C10orf105: variants seen among roughly 807,000 people sequenced by gnomAD.
C10orf105 encodes uncharacterized protein C10orf105.
A neutral mutation model predicts 0.6 loss-of-function variants in C10orf105; 2 were observed. That is an observed-to-expected ratio of 3.18 (90% CI 1.30 to 10.01). The LOEUF is 10.01. Ranked by LOEUF, C10orf105 falls within the 30% of genes most tolerant of loss-of-function variation. C10orf105 has a pLI of 0.04. For synonymous variants in C10orf105, 95 were observed against 82.4 expected (o/e 1.15, Z -0.83); for missense variants, 209 against 191.4 (o/e 1.09, Z -0.54).
chr10:71,734,182 GAC>G, intron 1 of C10orf105: 2 of 1,419,496 alleles, frequency 1.4e-6, no homozygotes, highest in Non-Finnish European at 2.0e-6. Context: ...TGGGCAGAAT[GAC>G]CAGGGTTAAC....
intron 1 of C10orf105, chr10:71,731,981 C>A: frequency 6.2e-7 from 1 of 1,612,732 alleles, no homozygotes. Flanking sequence ...CTGTGTCCTC[C>A]TACAGGGGAT....
intron 1 of C10orf105, chr10:71,725,344 G>A: frequency 6.2e-7 from 1 of 1,613,906 alleles, no homozygotes; most frequent in Admixed American, 1.7e-5. Flanking sequence ...CAGGGCCGGT[G>A]TTCCAGGGGG....
At chr10:71,725,106 C>T (rs1468168912) in intron 1 of C10orf105, among the ~76,000 whole-genome samples, 1 of 152,166 alleles carries the variant, frequency 6.6e-6, no homozygotes, top group Non-Finnish European at 1.5e-5. Context: ...CTGCTGGGGA[C>T]CATCAACACC....
At chr10:71,723,558 T>G (rs1398926153), upstream of C10orf105, among the ~76,000 whole-genome samples, 1 of 152,144 alleles carries the variant, frequency 6.6e-6, no homozygotes, top group African/African-American at 2.4e-5. Flanking sequence ...CTCCTGGGCT[T>G]CCACGAAGTG....
intron 1 of C10orf105, 88 bp from the exon 2 acceptor site, chr10:71,716,430 A>G (rs566756458): frequency 1.8e-6 from 2 of 1,093,986 alleles, no homozygotes; most frequent in East Asian, 2.7e-5. Context: ...GGGAATGTGG[A>G]TGGGGGCAAG....
chr10:71,734,097 G>A, intron 1 of C10orf105: 4 of 716,628 alleles, frequency 5.6e-6, no homozygotes, highest in Non-Finnish European at 7.4e-6. Flanking sequence ...ATGTGAGAGA[G>A]AAGAAGGAAT....
upstream of C10orf105, chr10:71,723,925 G>T (rs189161292): frequency 9.8e-6 from 11 of 1,118,054 alleles, no homozygotes; most frequent in East Asian, 2.8e-4. Context: ...CTCTGAGGGA[G>T]ACCACAGGTT....
intron 1 of C10orf105, chr10:71,730,743 T>C: frequency 7.8e-7 from 1 of 1,290,140 alleles, no homozygotes; most frequent in South Asian, 1.4e-5. Flanking sequence ...GAGGGGCTGC[T>C]GGGATGGTCT....
At position 71,712,795 on chromosome 10, in the gene C10orf105, A is replaced by G. The variant is rs1866031274; in HGVS notation, c.*3141T>C. ...CCAGCGTCCCTGAGGACATCCCTGA[A>G]GGCCACAGCATCTTGCAGGCAGGTG... On this transcript the variant is annotated 3_prime_UTR_variant, in exon 2 of 2. Transcript: ENST00000441508. The G allele has an allele frequency of 3.1e-6, 5 of 1,612,552 alleles. No homozygotes were observed. The South Asian group carries it at 3.3e-5, about 11-fold the overall frequency.
At chr10:71,730,736 G>A in intron 1 of C10orf105, 1 of 1,334,106 alleles carries the variant, frequency 7.5e-7, no homozygotes, top group South Asian at 1.3e-5. Context: ...GGCCAGGGAG[G>A]GGCTGCTGGG....
In C10orf105 at chr10:71,715,750, T is replaced by G. The variant is rs1866186879; in HGVS notation, c.*186A>C. The G allele has an allele frequency of 4.0e-6, 2 of 495,536 alleles. No individual in the cohort carries two copies. The highest frequency in any genetic ancestry group is 3.8e-5 in the South Asian group (1 of 26,490). The allele number at this position is 495,536 out of a possible 1,614,324, so 30.7% of individuals were successfully genotyped here. A position where few individuals can be genotyped will look rare whatever the true frequency, so the allele number is the denominator to read the frequency against. On this transcript the variant is annotated 3_prime_UTR_variant, in exon 2 of 2. Transcript: ENST00000441508. ...GCGAGGGGGTCTGCAGAGAGGAAGGTGCTCTTCTGAGGATCATCTTTGGGA... is the reference window on the plus strand; with the variant it reads ...GCGAGGGGGTCTGCAGAGAGGAAGGGGCTCTTCTGAGGATCATCTTTGGGA...
intron 1 of C10orf105, among the ~76,000 whole-genome samples, chr10:71,733,491 C>T (rs1277532123): frequency 2.0e-5 from 3 of 152,214 alleles, no homozygotes; most frequent in Admixed American, 6.5e-5. Flanking sequence ...CAGCCCCAAC[C>T]GAGGACCCCA....
At chr10:71,729,060 C>T (rs1326491929) in intron 1 of C10orf105, among the ~76,000 whole-genome samples, 1 of 152,108 alleles carries the variant, frequency 6.6e-6, no homozygotes, top group African/African-American at 2.4e-5. Flanking sequence ...GTCTCGAATG[C>T]CTGGGCTCAA....
intron 1 of C10orf105, chr10:71,732,457 C>T: frequency 1.3e-6 from 2 of 1,524,086 alleles, no homozygotes; most frequent in Non-Finnish European, 1.8e-6. Flanking sequence ...ACAGCACTCT[C>T]CTCTTTGTCA....
In C10orf105 at chr10:71,713,264, C is replaced by T. The variant is rs749256422; in HGVS notation, c.*2672G>A. On this transcript the variant is annotated 3_prime_UTR_variant, in exon 2 of 2. Transcript: ENST00000441508. ...CACAAGAAGAAAGGGCTCCTTTGCC[C>T]AGGGAGCAGGCGCAACAGCTCCAAG... 5.1e-6 allele frequency: 4 copies of T among 779,278 alleles called. No individual in the cohort carries two copies. The highest frequency in any genetic ancestry group is 1.7e-5 in the African/African-American group (1 of 59,156). 48.3% of individuals were successfully genotyped at this position (779,278 alleles called of 1,614,324 possible).
chr10:71,734,363 G>A (rs1164385805), intron 1 of C10orf105: 2 of 1,588,234 alleles, frequency 1.3e-6, no homozygotes, highest in Admixed American at 1.8e-5. Context: ...CAGGGTGAGA[G>A]TCCCTCAGGT....
At chr10:71,722,522 G>A (rs1214440694), upstream of C10orf105, among the ~76,000 whole-genome samples, 1 of 152,218 alleles carries the variant, frequency 6.6e-6, no homozygotes, top group Non-Finnish European at 1.5e-5. Context: ...TGACCCTACT[G>A]TGTGCCAGGA....
At chr10:71,723,470 G>T (rs1341794579), upstream of C10orf105, among the ~76,000 whole-genome samples, 1 of 152,160 alleles carries the variant, frequency 6.6e-6, no homozygotes, top group African/African-American at 2.4e-5. Context: ...TCGCAGCCAC[G>T]CCAGCCAGGC....
rs754805136 is a variant in C10orf105, at chr10:71,713,311, G to C, written c.*2625C>G. ...CAAGGCTCAGAGGGAGAGAAGGGAG[G>C]ACCCTGAAAACAATTTGGGTGTGCA... is the stretch of plus-strand genomic sequence containing the variant. On this transcript the variant is annotated 3_prime_UTR_variant, in exon 2 of 2. Coordinates refer to ENST00000441508, the MANE Select transcript of C10orf105 (RefSeq NM_001164375.3). The C allele has an allele frequency of 1.3e-6, 1 of 778,700 alleles. No homozygotes were observed. The highest frequency in any genetic ancestry group is 2.4e-6 in the Non-Finnish European group (1 of 417,708). 48.2% of individuals were successfully genotyped at this position (778,700 alleles called of 1,614,324 possible). A position where few individuals can be genotyped will look rare whatever the true frequency, so the allele number is the denominator to read the frequency against.
Sources: allele counts gnomAD v4.1 joint callset (sites outside exome capture counted in the v4.1 genomes callset), GRCh38; gene constraint gnomAD v4.1.1; transcripts MANE v1.5; gene names NCBI Gene and HGNC (gene_info 2026-07-23, HGNC 2026-07-21).